Variants in MYO16 observed in about 807,000 individuals in gnomAD.
MYO16 encodes the protein myosin XVI.
Under a neutral mutation model 205.3 loss-of-function variants are expected in MYO16, and 94 were observed. The ratio of observed to expected loss-of-function variants is 0.46; its 90% CI spans 0.39 to 0.54. The LOEUF (loss-of-function observed/expected upper bound fraction) is 0.54. Among genes scored for constraint, MYO16 ranks in the 20% least tolerant of loss-of-function variants. The pLI is 0.00. For synonymous variants in MYO16, 988 were observed against 954.0 expected, an observed-to-expected ratio of 1.04 and a Z score of -0.66; for missense variants, 2,315 against 2,387.5, an observed-to-expected ratio of 0.97 and a Z score of 0.63.
chr13:109,020,179 A>G (rs960000031), intron 23 of MYO16, among the ~76,000 whole-genome samples: 55 of 152,308 alleles, frequency 3.6e-4, no homozygotes, highest in African/African-American at 1.1e-3. Flanking sequence ...TGGGTTTAAT[A>G]CAAAGAGCTC....
rs112888646 is a variant in MYO16, at chr13:108,814,911, T to C, written c.868-5426T>C. ...ACCCCACCGCAGATTGAAGAAACCA[T>C]TGTCATTCTAACAAGTAAAATAATG... On this transcript the variant is annotated intron_variant, in intron 7 of 34. Coordinates refer to ENST00000457511, the MANE Select transcript of MYO16 (RefSeq NM_001198950.3). Among the ~76,000 whole-genome samples, 803 of 152,120 alleles carry C rather than the reference T, an allele frequency of 5.3e-3. 7 individuals are homozygous for C. Among genetic ancestry groups the C allele is most frequent in the African/African-American group, 0.018 (764 of 41,502 alleles).
chr13:109,080,211 G>A (rs1277755011), intron 27 of MYO16, among the ~76,000 whole-genome samples: 3 of 152,080 alleles, frequency 2.0e-5, no homozygotes, highest in African/African-American at 7.2e-5. Flanking sequence ...TTTTGATAAT[G>A]TGGATAATAT....
chr13:108,659,449 T>G (rs1036169110), intron 1 of MYO16: 1 of 361,702 alleles, frequency 2.8e-6, no homozygotes, highest in African/African-American at 2.2e-5. Flanking sequence ...CAGGGGCTTC[T>G]GGCCATAAAC....
chr13:109,129,687 C>T (rs954307905), intron 31 of MYO16, among the ~76,000 whole-genome samples: 1 of 151,828 alleles, frequency 6.6e-6, no homozygotes, highest in Non-Finnish European at 1.5e-5. Context: ...GGAGAGGGTA[C>T]GAAATTAAGA....
chr13:109,104,165 T>G (rs2139721658), intron 28 of MYO16, among the ~76,000 whole-genome samples: 1 of 152,326 alleles, frequency 6.6e-6, no homozygotes, highest in Admixed American at 6.5e-5. Context: ...TAGCTTTTCC[T>G]ATGTCATGTT....
chr13:108,858,909 G>T (rs1234487899), intron 11 of MYO16, among the ~76,000 whole-genome samples: 1 of 152,120 alleles, frequency 6.6e-6, no homozygotes, highest in Non-Finnish European at 1.5e-5. Flanking sequence ...GCTGGCCTTG[G>T]TGTCTCATGA....
chr13:108,516,549 A>G, the MYO16 span, among the ~76,000 whole-genome samples: 2 of 152,240 alleles, frequency 1.3e-5, no homozygotes, highest in African/African-American at 4.8e-5. Flanking sequence ...ATTGAGAACT[A>G]TAACACACAC....
chr13:108,754,594 A>T (rs1885361608), intron 4 of MYO16, among the ~76,000 whole-genome samples: 1 of 152,204 alleles, frequency 6.6e-6, no homozygotes, highest in Non-Finnish European at 1.5e-5. Context: ...TCTTGACCTT[A>T]AGGTGGAAAT....
At position 109,127,635 on chromosome 13, in the gene MYO16, C is replaced by A. The variant is rs760305684; in HGVS notation, c.4051+85C>A. The A allele has an allele frequency of 4.4e-6, 6 of 1,368,348 alleles. No homozygotes were observed. Among genetic ancestry groups the A allele is most frequent in the East Asian group, 2.5e-5 (1 of 40,500 alleles). 84.8% of individuals were successfully genotyped at this position (1,368,348 alleles called of 1,614,324 possible). On this transcript the variant is annotated intron_variant, in intron 31 of 34. Coordinates refer to ENST00000457511, the MANE Select transcript of MYO16 (RefSeq NM_001198950.3). The surrounding 1 kb of genome is among the most constrained non-coding windows in gnomAD (Gnocchi z 4.2). ...CTTGGGGCGCCCATGGCAGTACTGT[C>A]GCCCTAATGTATTCTTAATAGAAAT...
At chr13:108,537,191 A>T in the MYO16 span, among the ~76,000 whole-genome samples, 5 of 152,048 alleles carry the variant, frequency 3.3e-5, no homozygotes, top group South Asian at 4.1e-4. Context: ...TGTTATTCCC[A>T]TTTTTATTTC....
the MYO16 span, among the ~76,000 whole-genome samples, chr13:108,518,657 A>G: frequency 1.3e-5 from 2 of 152,356 alleles, no homozygotes; most frequent in Admixed American, 1.3e-4. Context: ...TTCCATACAA[A>G]TAATTACTAC....
At chr13:108,589,266 C>A in the MYO16 span, among the ~76,000 whole-genome samples, 1 of 152,080 alleles carries the variant, frequency 6.6e-6, no homozygotes, top group African/African-American at 2.4e-5. Context: ...CTTTTCCTAC[C>A]GAACAGATTT....
At chr13:109,047,887 A>C (rs1359263602) in intron 24 of MYO16, among the ~76,000 whole-genome samples, 1 of 152,110 alleles carries the variant, frequency 6.6e-6, no homozygotes, top group African/African-American at 2.4e-5. Flanking sequence ...ACTGTTTTTC[A>C]CTGAAGATTA....
intron 27 of MYO16, among the ~76,000 whole-genome samples, chr13:109,082,861 G>A (rs757967949): frequency 9.2e-5 from 14 of 152,018 alleles, no homozygotes; most frequent in Admixed American, 2.0e-4. Flanking sequence ...TAGATGAAGC[G>A]GGTTCAAGGT....
intron 13 of MYO16, chr13:108,886,571 G>T: frequency 2.2e-6 from 1 of 445,162 alleles, no homozygotes; most frequent in Non-Finnish European, 4.5e-6. Context: ...AGAGCTTAGG[G>T]CGCAAACTGC....
Position 108,718,637 on chromosome 13 carries a change from C to T in MYO16, c.363+5906C>T, listed in dbSNP as rs529433935. 4.5e-3 allele frequency among the ~76,000 whole-genome samples: 684 copies of T among 152,104 alleles called. 5 individuals are homozygous for T. Among genetic ancestry groups the T allele is most frequent in the Middle Eastern group, 0.037 (11 of 294 alleles). ...GTGAGCGCTGCAGGGTGCTGCCTGT[C>T]GCTGGCAAACAGGCAATGGAGGGGC... is the stretch of plus-strand genomic sequence containing the variant. On this transcript the variant is annotated intron_variant, in intron 3 of 34. Transcript: ENST00000457511.
rs141787112 is a variant in MYO16, at chr13:108,997,542, G to A, written c.2442+5094G>A. On this transcript the variant is annotated intron_variant, in intron 21 of 34. Coordinates refer to ENST00000457511, the MANE Select transcript of MYO16 (RefSeq NM_001198950.3). ...ATAAAAGCTCCCTTTGCAGAAGATA[G>A]AATTGTGATACATAGGCCGGGCCCA... Among the ~76,000 whole-genome samples, 1,462 of 152,092 alleles carry A rather than the reference G, an allele frequency of 9.6e-3. 13 individuals are homozygous for A. Among genetic ancestry groups the A allele is most frequent in the South Asian group, 0.022 (106 of 4,818 alleles).
chr13:108,713,019 TTC>T (rs1883784178), intron 3 of MYO16, among the ~76,000 whole-genome samples: 1 of 152,236 alleles, frequency 6.6e-6, no homozygotes, highest in Non-Finnish European at 1.5e-5. Flanking sequence ...CAATCATCCT[TTC>T]TTTTTTCCTA....
chr13:109,052,031 G>T (rs1887262396), intron 24 of MYO16, among the ~76,000 whole-genome samples: 1 of 152,142 alleles, frequency 6.6e-6, no homozygotes, highest in Non-Finnish European at 1.5e-5. Context: ...TGAAAACTAG[G>T]ATAGAAGTGT....
Sources: allele counts gnomAD v4.1 joint callset (sites outside exome capture counted in the v4.1 genomes callset), GRCh38; gene constraint gnomAD v4.1.1; non-coding constraint Gnocchi (gnomAD v3.1); transcripts MANE v1.5; gene names NCBI Gene and HGNC (gene_info 2026-07-23, HGNC 2026-07-21).